The following PRKX variants were observed in gnomAD, a reference collection of about 807,000 sequenced individuals.
PRKX encodes cAMP-dependent protein kinase catalytic subunit PRKX.
Under a neutral mutation model 22.0 loss-of-function variants are expected in PRKX, and 12 were observed. That is an observed-to-expected ratio of 0.54 (90% confidence interval 0.35 to 0.88). PRKX has a LOEUF of 0.88. Among genes scored for constraint, PRKX ranks in the 40% least tolerant of loss-of-function variants. PRKX has a pLI of 0.01. For missense variants in PRKX, 217 were observed against 308.0 expected, an observed-to-expected ratio of 0.70 and a Z score of 2.21; for synonymous variants, 134 against 137.7, an observed-to-expected ratio of 0.97 and a Z score of 0.19.
intron 1 of PRKX, among the ~76,000 whole-genome samples, chrX:3,689,778 C>G (rs183315739): frequency 5.4e-5 from 6 of 111,687 alleles, no homozygotes; most frequent in East Asian, 5.6e-4. Flanking sequence ...GAGATCGAGA[C>G]CATCCTGGCT....
chrX:3,691,137 T>C, intron 1 of PRKX, among the ~76,000 whole-genome samples: 1 of 112,072 alleles, frequency 8.9e-6, no homozygotes, highest in Non-Finnish European at 1.9e-5. Flanking sequence ...ATCAATCACC[T>C]TTTAAGCAGT....
chrX:3,645,472 A>G (rs1411624038), intron 3 of PRKX, among the ~76,000 whole-genome samples: 28 of 112,232 alleles, frequency 2.5e-4, no homozygotes, highest in African/African-American at 8.7e-4. Context: ...CGATCTTTGT[A>G]GCTGCAATCA....
chrX:3,620,413 T>C (rs1368761888), intron 6 of PRKX, among the ~76,000 whole-genome samples: 1 of 112,154 alleles, frequency 8.9e-6, no homozygotes, highest in Admixed American at 9.5e-5. Flanking sequence ...AGTAGATTAG[T>C]GGCTGCTTAG....
chrX:3,612,272 A>G lies in PRKX; in HGVS notation c.1005T>C (p.Thr335=). 1 of 1,210,542 alleles carries G rather than the reference A, an allele frequency of 8.3e-7. No homozygotes were observed. The change falls in exon 8 of 9, where the codon ACT becomes ACC. Residue 335 remains threonine, a synonymous_variant. Transcript: ENST00000262848. ...AGDGDTSNFE[T]YPENDWDTAA... is the part of the protein sequence containing the mutation. ...CTGTGTCCCAGTCATTCTCAGGGTAAGTTTCGAAGTTGGAAGTGTCGCCGT... is the reference window on the plus strand; with the variant it reads ...CTGTGTCCCAGTCATTCTCAGGGTAGGTTTCGAAGTTGGAAGTGTCGCCGT...
At chrX:3,625,872 C>T (rs759577224) in intron 5 of PRKX, among the ~76,000 whole-genome samples, 78 of 111,807 alleles carry the variant, frequency 7.0e-4, no homozygotes, top group African/African-American at 2.4e-3. Flanking sequence ...CGCCCAGCCG[C>T]GTTCTTATAT....
chrX:3,612,409 A>C, intron 7 of PRKX, 84 bp from the exon 8 acceptor site: 1 of 988,371 alleles, frequency 1.0e-6, no homozygotes, highest in South Asian at 2.9e-5. Context: ...TATTTCTGTC[A>C]CTGTACCTAA....
At chrX:3,650,011 A>C (rs1439874691) in intron 3 of PRKX, among the ~76,000 whole-genome samples, 1 of 109,383 alleles carries the variant, frequency 9.1e-6, no homozygotes, top group Non-Finnish European at 1.9e-5. Context: ...AGGGTGTGCA[A>C]GCCTGTAGTT....
At chrX:3,629,459 T>C (rs1412229246) in intron 4 of PRKX, among the ~76,000 whole-genome samples, 1 of 107,598 alleles carries the variant, frequency 9.3e-6, no homozygotes, top group Non-Finnish European at 1.9e-5. Flanking sequence ...GGTCTCACTA[T>C]GTTGCCCAGG....
rs1231114291 is a variant in PRKX, at chrX:3,713,550, G to T, written c.-297C>A. 2 of 193,387 alleles carry T rather than the reference G, an allele frequency of 1.0e-5. No homozygotes were observed. The highest frequency in any genetic ancestry group is 1.9e-5 in the Non-Finnish European group (2 of 105,143). 15.9% of individuals were successfully genotyped at this position (193,387 alleles called of 1,213,427 possible). A position where few individuals can be genotyped will look rare whatever the true frequency, so the allele number is the denominator to read the frequency against. ...GGCGGGGGCCGCGGCCCGGGCTGGG[G>T]GGGGCGAGGCGGGGGCCCTGCGCAT... is the stretch of plus-strand genomic sequence containing the variant. On this transcript the variant is annotated 5_prime_UTR_variant, in exon 1 of 9. Coordinates refer to ENST00000262848, the MANE Select transcript of PRKX (RefSeq NM_005044.5).
intron 2 of PRKX, among the ~76,000 whole-genome samples, chrX:3,657,781 G>C (rs1485565345): frequency 8.9e-6 from 1 of 111,829 alleles, no homozygotes; most frequent in Non-Finnish European, 1.9e-5. Flanking sequence ...TTGATTAATG[G>C]AAGAAAACGC....
intron 6 of PRKX, among the ~76,000 whole-genome samples, chrX:3,620,467 A>G (rs1490039563): frequency 8.9e-6 from 1 of 112,314 alleles, no homozygotes; most frequent in Non-Finnish European, 1.9e-5. Context: ...GTAGTGGTCC[A>G]CGGCCTATGA....
chrX:3,651,068 C>T (rs1463422282), intron 3 of PRKX, among the ~76,000 whole-genome samples: 1 of 105,279 alleles, frequency 9.5e-6, no homozygotes, highest in East Asian at 2.9e-4. Context: ...TCCCTGGGGC[C>T]GGGCCAGCAG....
intron 1 of PRKX, among the ~76,000 whole-genome samples, chrX:3,696,728 T>A (rs1928449304): frequency 8.9e-6 from 1 of 112,482 alleles, no homozygotes; most frequent in African/African-American, 3.2e-5. Context: ...AGACAGACTT[T>A]TTTTTGTTTG....
At chrX:3,616,649 C>G (rs759833392) in intron 6 of PRKX, among the ~76,000 whole-genome samples, 8 of 112,435 alleles carry the variant, frequency 7.1e-5, no homozygotes, top group African/African-American at 2.6e-4. Context: ...GTTAGCATTA[C>G]TGTAGTTTCA....
At chrX:3,637,019 A>AAAGGAAAAGGAAAGGAAGAAGGG (rs781305212) in intron 4 of PRKX, among the ~76,000 whole-genome samples, 7,862 of 100,518 alleles carry the variant, frequency 0.078, 425 homozygotes, top group Non-Finnish European at 0.12. Context: ...GGGAGAGGGG[A>AAAGGAAAAGGAAAGGAAGAAGGG]AAGGAAAAGG....
At chrX:3,613,445 T>C (rs1420516334) in intron 7 of PRKX, among the ~76,000 whole-genome samples, 2 of 110,491 alleles carry the variant, frequency 1.8e-5, no homozygotes, top group African/African-American at 6.6e-5. Flanking sequence ...TCTGTTTTAA[T>C]ATTGACTTGG....
At chrX:3,638,152 C>CA (rs1353118865) in intron 4 of PRKX, among the ~76,000 whole-genome samples, 1 of 111,080 alleles carries the variant, frequency 9.0e-6, no homozygotes, top group Non-Finnish European at 1.9e-5. Flanking sequence ...TTAAATATTC[C>CA]AATGTTATAG....
chrX:3,617,955 G>T (rs915141781), intron 6 of PRKX, among the ~76,000 whole-genome samples: 1 of 107,418 alleles, frequency 9.3e-6, no homozygotes, highest in Non-Finnish European at 1.9e-5. Context: ...GTTCTTTTTG[G>T]GGGGGCGGGG....
intron 3 of PRKX, among the ~76,000 whole-genome samples, chrX:3,646,526 CT>C (rs1418770216): frequency 1.8e-5 from 2 of 111,185 alleles, no homozygotes; most frequent in East Asian, 2.8e-4. Context: ...CATTTTTTCC[CT>C]TTTTATCAGA....
Sources: allele counts gnomAD v4.1 joint callset (sites outside exome capture counted in the v4.1 genomes callset), GRCh38; gene constraint gnomAD v4.1.1; transcripts MANE v1.5; gene names NCBI Gene and HGNC (gene_info 2026-07-23, HGNC 2026-07-21).